SGK3: variants seen among roughly 807,000 people sequenced by gnomAD.
SGK3 encodes serine/threonine-protein kinase Sgk3.
In SGK3, 47 loss-of-function variants were observed where a neutral mutation model predicts 68.5. That is an observed-to-expected ratio of 0.69 (90% CI 0.54 to 0.87). The LOEUF is 0.87. Ranked by LOEUF, SGK3 falls within the 40% of genes least tolerant of loss-of-function variation. The pLI is 0.00. For missense variants in SGK3, 479 were observed against 575.5 expected (o/e 0.83, Z 1.72); for synonymous variants, 181 against 189.1 (o/e 0.96, Z 0.35).
At chr8:66,753,388 A>G (rs117306558) in intron 1 of SGK3, among the ~76,000 whole-genome samples, 2,022 of 152,330 alleles carry the variant, frequency 0.013, 59 homozygotes, top group South Asian at 0.045. Flanking sequence ...ACCAAGGTAG[A>G]AGCTTGTCCC....
intron 1 of SGK3, among the ~76,000 whole-genome samples, chr8:66,781,758 C>T (rs1044103364): frequency 1.3e-5 from 2 of 152,068 alleles, no homozygotes; most frequent in African/African-American, 2.4e-5. Context: ...TCACTTTTAT[C>T]AAGAATCGGA....
intron 1 of SGK3, among the ~76,000 whole-genome samples, chr8:66,785,293 C>T (rs181305754): frequency 8.4e-4 from 128 of 152,294 alleles, no homozygotes; most frequent in Middle Eastern, 6.8e-3. Context: ...CCCACAGCCA[C>T]GTGACCATGT....
chr8:66,756,921 C>A (rs549963901), intron 1 of SGK3, among the ~76,000 whole-genome samples: 54 of 151,952 alleles, frequency 3.6e-4, no homozygotes, highest in African/African-American at 1.1e-3. Context: ...AGATAATAAT[C>A]TGGACATGTA....
intron 1 of SGK3, among the ~76,000 whole-genome samples, chr8:66,740,906 C>CAAAA (rs899256897): frequency 1.9e-4 from 8 of 42,698 alleles, no homozygotes; most frequent in Non-Finnish European, 2.9e-4. Flanking sequence ...GACTCTGTCT[C>CAAAA]AAAAAAAAAA....
chr8:66,747,200 C>G (rs1805678774), intron 1 of SGK3, among the ~76,000 whole-genome samples: 1 of 152,068 alleles, frequency 6.6e-6, no homozygotes, highest in African/African-American at 2.4e-5. Flanking sequence ...CTGAATGTAG[C>G]TTTCTGAAAG....
chr8:66,719,864 G>A (rs868103724), intron 1 of SGK3, among the ~76,000 whole-genome samples: 4 of 152,320 alleles, frequency 2.6e-5, no homozygotes, highest in Middle Eastern at 3.4e-3. Flanking sequence ...ATTGGCAAGC[G>A]GCTATTAGCA....
At chr8:66,749,874 A>G (rs952425502) in intron 1 of SGK3, among the ~76,000 whole-genome samples, 2 of 151,876 alleles carry the variant, frequency 1.3e-5, no homozygotes, top group African/African-American at 4.8e-5. Flanking sequence ...AAAAAATAGA[A>G]TGACTGCCTT....
At chr8:66,828,628 T>C (rs2130690103) in intron 6 of SGK3, 26 bp from the exon 7 acceptor site, 1 of 1,613,560 alleles carries the variant, frequency 6.2e-7, no homozygotes. Flanking sequence ...AATAAGAATG[T>C]TGTTTTTCTT....
chr8:66,730,614 T>G (rs532580508), intron 1 of SGK3, among the ~76,000 whole-genome samples: 1 of 152,192 alleles, frequency 6.6e-6, no homozygotes, highest in South Asian at 2.1e-4. Flanking sequence ...TTTGAGTTAA[T>G]TTTTGTTTAT....
At chr8:66,833,788 T>C (rs1585786880) in intron 8 of SGK3, among the ~76,000 whole-genome samples, 1 of 152,176 alleles carries the variant, frequency 6.6e-6, no homozygotes, top group Non-Finnish European at 1.5e-5. Context: ...GCCTCCTGGG[T>C]TCAAGCGATT....
intron 1 of SGK3, among the ~76,000 whole-genome samples, chr8:66,759,971 T>C (rs927438317): frequency 2.0e-5 from 3 of 152,194 alleles, no homozygotes; most frequent in East Asian, 1.9e-4. Context: ...AGATCCTTTT[T>C]GTTGGCCACC....
chr8:66,805,936 C>A (rs529413772), intron 4 of SGK3, among the ~76,000 whole-genome samples: 22 of 152,300 alleles, frequency 1.4e-4, no homozygotes, highest in Non-Finnish European at 2.5e-4. Flanking sequence ...AACTTTATAC[C>A]ATTCGTTTTC....
In SGK3 at chr8:66,822,424, C is replaced by G. The variant is rs1585769652; in HGVS notation, c.382C>G (p.Pro128Ala). The change falls in exon 6 of 17, where the codon CCA becomes GCA. Residue 128 changes from proline (P) to alanine (A), a missense_variant. Physicochemically the swap from Pro to Ala is conservative, Grantham distance 27. Coordinates refer to ENST00000521198, the MANE Select transcript of SGK3 (RefSeq NM_001033578.3). ...QMDSPKHQSD[P>A]SEDEDERSSQ... ...GGACAGTCCAAAACACCAGTCAGAT[C>G]CATCTGAAGATGAGGATGAAAGAAG... is the stretch of plus-strand genomic sequence containing the variant. 8 of 1,610,952 alleles carry G rather than the reference C, an allele frequency of 5.0e-6. No individual in the cohort carries two copies. The highest frequency in any genetic ancestry group is 5.9e-6 in the Non-Finnish European group (7 of 1,178,508).
intron 5 of SGK3, among the ~76,000 whole-genome samples, chr8:66,820,067 C>T (rs1385432430): frequency 6.6e-6 from 1 of 152,146 alleles, no homozygotes; most frequent in Non-Finnish European, 1.5e-5. Context: ...CCACCCGCCT[C>T]AGCTTCCCAA....
At chr8:66,809,401 G>C (rs1443981171) in intron 4 of SGK3, among the ~76,000 whole-genome samples, 1 of 152,190 alleles carries the variant, frequency 6.6e-6, no homozygotes, top group East Asian at 1.9e-4. Context: ...TATTTAGGAT[G>C]ACTGAAGTTT....
At chr8:66,792,095 C>T (rs183095797) in intron 1 of SGK3, among the ~76,000 whole-genome samples, 21 of 152,112 alleles carry the variant, frequency 1.4e-4, no homozygotes, top group South Asian at 6.2e-4. Context: ...TTTGGAAGGC[C>T]GAGGCAGGTG....
chr8:66,848,872 C>G (rs1329489692), intron 15 of SGK3, among the ~76,000 whole-genome samples: 1 of 152,204 alleles, frequency 6.6e-6, no homozygotes, highest in Non-Finnish European at 1.5e-5. Context: ...ATTTCTCAAT[C>G]TACCACAAAA....
In SGK3 at chr8:66,835,773, C is replaced by T. The variant is rs770757970; in HGVS notation, c.536C>T (p.Ala179Val). 2.5e-6 allele frequency: 4 copies of T among 1,611,228 alleles called. No homozygotes were observed. In the South Asian group the frequency reaches 3.3e-5, roughly 13 times the overall value. Reference protein sequence around the residue: ...GKGSFGKVLLAKRKLDGKFYA... With the variant: ...GKGSFGKVLLVKRKLDGKFYA... The stretch of plus-strand genomic sequence containing the variant: ...GTTTAACTATAACAGGTTCTTCTTG[C>T]AAAACGGAAACTGGATGGAAAATTT... Residue 179 changes from alanine to valine, a missense_variant, in exon 9 of 17, where the codon GCA becomes GTA. Physicochemically the swap from Ala to Val is moderately conservative, Grantham distance 64. This residue lies in a region of SGK3 where 298 missense variants were observed against 329.4 expected (regional missense o/e 0.90). Coordinates refer to ENST00000521198, the MANE Select transcript of SGK3 (RefSeq NM_001033578.3).
Position 66,821,788 on chromosome 8 carries a change from G to A in SGK3, c.330-584G>A, listed in dbSNP as rs535511331. Among the ~76,000 whole-genome samples, 4 of 148,262 alleles carry A rather than the reference G, an allele frequency of 2.7e-5. No individual in the cohort carries two copies. The Admixed American group carries it at 2.8e-4, about 10-fold the overall frequency. On this transcript the variant is annotated intron_variant, in intron 5 of 16. Transcript: ENST00000521198. ...GATCCGCCCGCCTCTGCTTCCCAAA[G>A]TGCTGGGATTACAGGCGTGAGCCAC...
Sources: gnomAD v4.1 joint callset for allele counts (sites outside exome capture counted in the v4.1 genomes callset) on GRCh38, gnomAD v4.1.1 for gene constraint, gnomAD v4.1.1 regional missense constraint, MANE v1.5 for transcripts, NCBI Gene and HGNC (gene_info 2026-07-23, HGNC 2026-07-21) for gene names.